The following SUPT20H variants were observed in gnomAD, a reference collection of about 807,000 sequenced individuals.
The protein encoded by SUPT20H is transcription factor SPT20 homolog.
A neutral mutation model predicts 122.8 loss-of-function variants in SUPT20H; 82 were observed. The ratio of observed to expected loss-of-function variants is 0.67; its 90% CI spans 0.56 to 0.80. The LOEUF is 0.80. Ranked by LOEUF, SUPT20H falls within the 30% of genes least tolerant of loss-of-function variation. The pLI, the probability that SUPT20H is intolerant of heterozygous loss-of-function variation, is 0.00. For synonymous variants in SUPT20H, 291 were observed against 313.0 expected, an observed-to-expected ratio of 0.93 and a Z score of 0.74; for missense variants, 831 against 921.6, an observed-to-expected ratio of 0.90 and a Z score of 1.27.
At chr13:37,016,127 A>G (rs1424861032) in intron 23 of SUPT20H, among the ~76,000 whole-genome samples, 1 of 152,138 alleles carries the variant, frequency 6.6e-6, no homozygotes, top group Admixed American at 6.5e-5. Flanking sequence ...TGCACACTTA[A>G]GAAGTTAAAA....
At chr13:37,019,822 A>T (rs887631942) in intron 21 of SUPT20H, among the ~76,000 whole-genome samples, 1 of 151,990 alleles carries the variant, frequency 6.6e-6, no homozygotes, top group Admixed American at 6.6e-5. Context: ...GGTGTGCTTT[A>T]TGCTATTTTT....
chr13:37,044,017 CAT>C (rs1003371337), intron 7 of SUPT20H, 59 bp downstream of exon 7: 7 of 1,010,418 alleles, frequency 6.9e-6, no homozygotes, highest in Admixed American at 2.2e-5. Context: ...AAAAATGTGA[CAT>C]ATATATATCA....
Position 37,032,725 on chromosome 13 carries a change from G to A in SUPT20H, c.707+724C>T, listed in dbSNP as rs143349658. Reference sequence around the variant, plus strand: ...CAAAGAGGTTCTCACAGTGACTACCGGGGAAAAATCCCCTCATGTTTCCCA... The same window carrying A: ...CAAAGAGGTTCTCACAGTGACTACCAGGGAAAAATCCCCTCATGTTTCCCA... On this transcript the variant is annotated intron_variant, in intron 10 of 25. Transcript: ENST00000350612. Among the ~76,000 whole-genome samples, 717 of 152,190 alleles carry A rather than the reference G, an allele frequency of 4.7e-3. 7 individuals are homozygous for A. Among genetic ancestry groups the A allele is most frequent in the African/African-American group, 0.016 (677 of 41,536 alleles).
chr13:37,037,264 G>A (rs2064650551), intron 9 of SUPT20H, among the ~76,000 whole-genome samples: 1 of 152,064 alleles, frequency 6.6e-6, no homozygotes, highest in African/African-American at 2.4e-5. Context: ...AGTATTAGAG[G>A]AGTCAGAAGT....
chr13:37,048,674 T>TTA, intron 2 of SUPT20H, 75 bp from the exon 3 acceptor site: 1 of 1,305,028 alleles, frequency 7.7e-7, no homozygotes, highest in Middle Eastern at 2.2e-4. Flanking sequence ...TTAACATTTC[T>TTA]AATGTTTTCT....
At chr13:37,058,701 C>A (rs2069823988) in intron 1 of SUPT20H, among the ~76,000 whole-genome samples, 1 of 152,102 alleles carries the variant, frequency 6.6e-6, no homozygotes, top group Non-Finnish European at 1.5e-5. Flanking sequence ...CATCACAGAC[C>A]TAGATCAGAA....
intron 21 of SUPT20H, among the ~76,000 whole-genome samples, chr13:37,019,678 G>A (rs572846046): frequency 1.3e-5 from 2 of 152,282 alleles, no homozygotes; most frequent in East Asian, 3.9e-4. Context: ...TGAACAAAGA[G>A]TAATCAAGAA....
chr13:37,044,012 T>C, intron 7 of SUPT20H, 66 bp downstream of exon 7: 10 of 971,516 alleles, frequency 1.0e-5, no homozygotes, highest in East Asian at 5.4e-5. Flanking sequence ...TACATAAAAA[T>C]GTGACATATA....
chr13:37,012,104 A>C, intron 24 of SUPT20H, 88 bp downstream of exon 24: 1 of 1,024,204 alleles, frequency 9.8e-7, no homozygotes, highest in Non-Finnish European at 1.5e-6. Context: ...TTGCAAGGGA[A>C]GGAAAAGAAA....
chr13:37,046,701 T>C (rs1007101952), intron 5 of SUPT20H, among the ~76,000 whole-genome samples: 4 of 152,130 alleles, frequency 2.6e-5, no homozygotes, highest in African/African-American at 9.7e-5. Flanking sequence ...CTATTGCTTG[T>C]AGTGATGGTT....
At chr13:37,057,831 G>A (rs1314920111) in intron 1 of SUPT20H, among the ~76,000 whole-genome samples, 3 of 151,998 alleles carry the variant, frequency 2.0e-5, no homozygotes, top group East Asian at 3.9e-4. Context: ...AAAATCAGCC[G>A]GGTGTGGTGG....
At chr13:37,057,502 G>C (rs1040276197) in intron 1 of SUPT20H, among the ~76,000 whole-genome samples, 2 of 136,018 alleles carry the variant, frequency 1.5e-5, no homozygotes, top group Admixed American at 7.7e-5. Flanking sequence ...GAACCCCAAA[G>C]CTTTGTTTTT....
chr13:37,044,293 C>A, intron 6 of SUPT20H, 112 bp from the exon 7 acceptor site: 1 of 719,846 alleles, frequency 1.4e-6, no homozygotes, highest in Non-Finnish European at 2.1e-6. Flanking sequence ...GGCATTTCAA[C>A]CAAGCAAGGA....
rs376499269 is a variant in SUPT20H at position 37,033,535 on chromosome 13, G to T, written c.621C>A (p.Leu207=). Residue 207 remains leucine, a synonymous_variant, in exon 10 of 26, where the codon CTC becomes CTA. Coordinates refer to ENST00000350612, the MANE Select transcript of SUPT20H (RefSeq NM_001014286.3). ...TGACTGCTATAGAAGGATCAAGACA[G>T]AGTGGTTCAGCTGTAGCTAGGATGA... ...SQLILATAEP[L]CLDPSIAVTC... The T allele has an allele frequency of 3.5e-5, 56 of 1,613,486 alleles. No individual in the cohort carries two copies. The African/African-American group carries it at 6.8e-4, about 20-fold the overall frequency.
Position 37,019,797 on chromosome 13 carries a change from A to G in SUPT20H, c.1817-400T>C, listed in dbSNP as rs541782571. 7.9e-5 allele frequency among the ~76,000 whole-genome samples: 12 copies of G among 152,292 alleles called. No individual in the cohort carries two copies. The South Asian group carries it at 2.5e-3, about 32-fold the overall frequency. On this transcript the variant is annotated intron_variant, in intron 21 of 25. Transcript: ENST00000350612. The stretch of plus-strand genomic sequence containing the variant: ...TGCTACATAGTATACTATAATAATC[A>G]TATCTCTAAGAACCGGTGTGCTTTA...
intron 20 of SUPT20H, 38 bp downstream of exon 20, chr13:37,021,973 T>C (rs752998693): frequency 1.3e-6 from 2 of 1,526,248 alleles, no homozygotes; most frequent in Non-Finnish European, 1.8e-6. Context: ...TGAAACTATC[T>C]TTATAAAAAA....
At chr13:37,010,350 A>G (rs2059384149) in intron 25 of SUPT20H, among the ~76,000 whole-genome samples, 1 of 152,246 alleles carries the variant, frequency 6.6e-6, no homozygotes, top group African/African-American at 2.4e-5. Flanking sequence ...AAAATTTTAT[A>G]GAGTATGGCT....
At chr13:37,050,455 C>T (rs543025250) in intron 2 of SUPT20H, among the ~76,000 whole-genome samples, 2 of 151,674 alleles carry the variant, frequency 1.3e-5, no homozygotes, top group Non-Finnish European at 2.9e-5. Flanking sequence ...ATCCCATGTT[C>T]CACCATGAAA....
intron 21 of SUPT20H, among the ~76,000 whole-genome samples, chr13:37,020,135 T>C (rs115926537): frequency 0.011 from 1,673 of 152,296 alleles, 24 homozygotes; most frequent in African/African-American, 0.038. Context: ...TCAAGGTATG[T>C]ATATATTTTG....
Sources: allele counts gnomAD v4.1 joint callset (sites outside exome capture counted in the v4.1 genomes callset), GRCh38; gene constraint gnomAD v4.1.1; transcripts MANE v1.5; gene names NCBI Gene and HGNC (gene_info 2026-07-23, HGNC 2026-07-21).